CAPN13: variants seen among roughly 807,000 people sequenced by gnomAD.
CAPN13 encodes the protein calpain-13.
In CAPN13, 90 loss-of-function variants were observed where a neutral mutation model predicts 98.4. The observed-to-expected ratio is 0.92, with a 90% CI of 0.77 to 1.09. CAPN13 has a LOEUF of 1.09. Among genes scored for constraint, CAPN13 ranks in the 50% least tolerant of loss-of-function variants. The pLI, the probability that CAPN13 is intolerant of heterozygous loss-of-function variation, is 0.00. For missense variants in CAPN13, 887 were observed against 841.3 expected (o/e 1.05, Z -0.67); for synonymous variants, 330 against 305.5 (o/e 1.08, Z -0.84).
At chr2:30,759,022 TCTTCCTTCCCTCCCTCCCTCCTTCCTTC>T (rs1341524401) in intron 7 of CAPN13, among the ~76,000 whole-genome samples, 2,106 of 90,574 alleles carry the variant, frequency 0.023, 45 homozygotes, top group African/African-American at 0.051. Flanking sequence ...CTGCTCCTAT[TCTTCCTTCCCTCCCTCCCTCCTTCCTTC>T]CTTCCCTCCC....
At chr2:30,793,749 G>C (rs893165517) in intron 1 of CAPN13, among the ~76,000 whole-genome samples, 1 of 151,738 alleles carries the variant, frequency 6.6e-6, no homozygotes, top group Non-Finnish European at 1.5e-5. Context: ...AATGGAGAAG[G>C]GTAGAGAATC....
At position 30,753,236 on chromosome 2, in the gene CAPN13, G is replaced by T. The variant is rs757669159; in HGVS notation, c.942-38C>A. 3.7e-6 allele frequency: 6 copies of T among 1,610,044 alleles called. No homozygotes were observed. The African/African-American group carries it at 6.7e-5, about 18-fold the overall frequency. The stretch of plus-strand genomic sequence containing the variant: ...GATATACATCACTCAGTGACCAGGG[G>T]TTGTGTCCCCAGGGTGGGGGTTCCT... On this transcript the variant is annotated intron_variant, in intron 9 of 22. Transcript: ENST00000295055.
intron 6 of CAPN13, 43 bp downstream of exon 6, chr2:30,764,089 A>G (rs1455528546): frequency 3.3e-6 from 5 of 1,530,652 alleles, no homozygotes; most frequent in Non-Finnish European, 3.5e-6. Flanking sequence ...TTCCTGGCTG[A>G]GGAAAGCTTG....
At chr2:30,729,281 C>A (rs72783012) in intron 22 of CAPN13, among the ~76,000 whole-genome samples, 6,779 of 152,214 alleles carry the variant, frequency 0.045, 245 homozygotes, top group Non-Finnish European at 0.061. Context: ...GCTAGGGAAG[C>A]GCTCCTGTGG....
At chr2:30,780,863 AAGGAAAC>A (rs1408682843) in intron 2 of CAPN13, among the ~76,000 whole-genome samples, 1 of 152,222 alleles carries the variant, frequency 6.6e-6, no homozygotes, top group Admixed American at 6.5e-5. Context: ...GAGGCCCATT[AAGGAAAC>A]AGGTAAAGAT....
At chr2:30,783,001 T>A (rs1158474857) in intron 2 of CAPN13, among the ~76,000 whole-genome samples, 1 of 152,174 alleles carries the variant, frequency 6.6e-6, no homozygotes, top group Non-Finnish European at 1.5e-5. Context: ...TATTGAACAG[T>A]GCGAGAAGAA....
chr2:30,795,804 A>C (rs1446039614), intron 1 of CAPN13, among the ~76,000 whole-genome samples: 1 of 152,070 alleles, frequency 6.6e-6, no homozygotes, highest in Non-Finnish European at 1.5e-5. Flanking sequence ...ATTTTTATAA[A>C]TTGAGCCAAT....
In CAPN13 at chr2:30,764,316, A is replaced by G. The variant is rs1282176922; in HGVS notation, c.525-10T>C. 3 of 1,612,512 alleles carry G rather than the reference A, an allele frequency of 1.9e-6. No homozygotes were observed. In the Admixed American group the frequency reaches 5.0e-5, roughly 27 times the overall value. On this transcript the variant is annotated splice_polypyrimidine_tract_variant and intron_variant, in intron 5 of 22. Transcript: ENST00000295055. ...ATAGGATCCGAGCAGCCTGGGAGGG[A>G]ATGGGGGATGAACCATCGTGGTGCC... is the stretch of plus-strand genomic sequence containing the variant.
chr2:30,770,919 G>A (rs1274930034), intron 4 of CAPN13, among the ~76,000 whole-genome samples: 1 of 152,182 alleles, frequency 6.6e-6, no homozygotes, highest in East Asian at 1.9e-4. Context: ...CACGTGGCAG[G>A]GAGACAGGGA....
intron 1 of CAPN13, among the ~76,000 whole-genome samples, chr2:30,794,881 G>C (rs2148094077): frequency 6.6e-6 from 1 of 151,992 alleles, no homozygotes; most frequent in African/African-American, 2.4e-5. Flanking sequence ...AGAAATGGGG[G>C]TGGAGGGAGG....
chr2:30,749,218 T>C (rs1205088129), intron 11 of CAPN13, among the ~76,000 whole-genome samples: 1 of 152,332 alleles, frequency 6.6e-6, no homozygotes, highest in East Asian at 1.9e-4. Flanking sequence ...CCAAAACTTT[T>C]TGAACACCAA....
In CAPN13 at chr2:30,751,093, G is replaced by T. The variant is rs751405084; in HGVS notation, c.1236+10C>A. 5.0e-6 allele frequency: 8 copies of T among 1,612,868 alleles called. No individual in the cohort carries two copies. The Admixed American group carries it at 1.2e-4, about 24-fold the overall frequency. On this transcript the variant is annotated intron_variant, in intron 11 of 22. Transcript: ENST00000295055. The stretch of plus-strand genomic sequence containing the variant: ...TCTACAAGGGAAAGCCCTGAAGCAG[G>T]CTGCCTTACCAGAATCACTTGGAAA...
intron 11 of CAPN13, among the ~76,000 whole-genome samples, 160 bp from the exon 12 acceptor site, chr2:30,745,894 ATTTTTTTTTTTTT>A (rs57880021): frequency 2.8e-4 from 26 of 92,768 alleles, no homozygotes; most frequent in Middle Eastern, 0.012. Flanking sequence ...GCCATAAAGC[ATTTTTTTTTTTTT>A]TTTTTTTTTT....
intron 22 of CAPN13, among the ~76,000 whole-genome samples, chr2:30,726,355 C>T (rs888600861): frequency 5.3e-5 from 8 of 152,180 alleles, no homozygotes; most frequent in African/African-American, 1.7e-4. Context: ...TTGTACACTT[C>T]TATTCGGCAT....
At position 30,730,745 on chromosome 2, in the gene CAPN13, G is replaced by A; in HGVS notation, c.*15C>T. ...CATGTCTTACCTGAGCCATGGGTCT[G>A]CTTTCCTCTTTGCTTCAGTTGTACA... On this transcript the variant is annotated 3_prime_UTR_variant, in exon 22 of 23. Coordinates refer to ENST00000295055, the MANE Select transcript of CAPN13 (RefSeq NM_144575.3). 1 of 780,848 alleles carries A rather than the reference G, an allele frequency of 1.3e-6. No homozygotes were observed. The highest frequency in any genetic ancestry group is 2.4e-6 in the Non-Finnish European group (1 of 417,970). 48.4% of individuals were successfully genotyped at this position (780,848 alleles called of 1,614,324 possible). A position where few individuals can be genotyped will look rare whatever the true frequency, so the allele number is the denominator to read the frequency against.
chr2:30,732,426 G>T lies in CAPN13; in HGVS notation c.1927+12C>A. Reference sequence around the variant, plus strand: ...TGCCAAGGTCTCTGGGATGCCCCTTGGGGACACTTACTTGCCATGGCTTCA... The same window carrying T: ...TGCCAAGGTCTCTGGGATGCCCCTTTGGGACACTTACTTGCCATGGCTTCA... On this transcript the variant is annotated intron_variant, in intron 20 of 22. Transcript: ENST00000295055. The T allele has an allele frequency of 1.2e-6, 2 of 1,612,920 alleles. No homozygotes were observed. The highest frequency in any genetic ancestry group is 1.7e-6 in the Non-Finnish European group (2 of 1,179,762).
intron 7 of CAPN13, among the ~76,000 whole-genome samples, chr2:30,758,670 G>A (rs1672588714): frequency 6.6e-6 from 1 of 152,154 alleles, no homozygotes. Flanking sequence ...GCCAAGGCTA[G>A]CCCTCCTCGT....
At chr2:30,799,474 A>T (rs1304823987) in intron 1 of CAPN13, among the ~76,000 whole-genome samples, 1 of 152,170 alleles carries the variant, frequency 6.6e-6, no homozygotes, top group African/African-American at 2.4e-5. Context: ...CCTCAGAGGA[A>T]GACTATGCAG....
At chr2:30,761,224 A>G (rs570562403) in intron 7 of CAPN13, among the ~76,000 whole-genome samples, 1 of 152,238 alleles carries the variant, frequency 6.6e-6, no homozygotes, top group East Asian at 1.9e-4. Flanking sequence ...GCTACATGGA[A>G]TGGTGGAGCA....
Sources: allele counts gnomAD v4.1 joint callset (sites outside exome capture counted in the v4.1 genomes callset), GRCh38; gene constraint gnomAD v4.1.1; transcripts MANE v1.5; gene names NCBI Gene and HGNC (gene_info 2026-07-23, HGNC 2026-07-21).